TAF5: variants seen among roughly 807,000 people sequenced by gnomAD.
TAF5 encodes TATA-box binding protein associated factor 5, also known as transcription initiation factor TFIID subunit 5.
Under a neutral mutation model 80.9 loss-of-function variants are expected in TAF5, and 20 were observed. The ratio of observed to expected loss-of-function variants is 0.25; its 90% CI spans 0.17 to 0.36. TAF5 has a LOEUF of 0.36. Ranked by LOEUF, TAF5 falls within the 10% of genes least tolerant of loss-of-function variation. TAF5 has a pLI of 1.00. For missense variants in TAF5, 863 were observed against 1,029.4 expected, an observed-to-expected ratio of 0.84 and a Z score of 2.21; for synonymous variants, 388 against 406.4, an observed-to-expected ratio of 0.95 and a Z score of 0.55.
intron 1 of TAF5, among the ~76,000 whole-genome samples, chr10:103,371,238 G>A (rs1182787356): frequency 1.5e-5 from 2 of 129,114 alleles, no homozygotes; most frequent in Non-Finnish European, 1.7e-5. Context: ...GCAAAACTCC[G>A]TCTTTACAAA....
At chr10:103,381,240 C>T (rs368645263) in intron 5 of TAF5, among the ~76,000 whole-genome samples, 21 of 151,718 alleles carry the variant, frequency 1.4e-4, no homozygotes, top group African/African-American at 3.9e-4. Context: ...TGAACCCCCG[C>T]GCCCGGCCAA....
rs1308387846 is a variant in TAF5, at chr10:103,387,569, A to G, written c.2056A>G (p.Thr686Ala). The change falls in exon 10 of 11, where the codon ACA becomes GCA. Residue 686 changes from threonine (T) to alanine (A), a missense_variant. Transcript: ENST00000369839. ...TFSPNGRFLA[T>A]GATDGRVLLW... ...TTCTCCCAATGGGAGATTCCTGGCT[A>G]CAGGAGCAACAGATGGCAGAGTGCT... is the stretch of plus-strand genomic sequence containing the variant. The G allele has an allele frequency of 3.7e-6, 6 of 1,614,152 alleles. 1 individual carries two copies. In the South Asian group the frequency reaches 4.4e-5, roughly 12 times the overall value.
At chr10:103,385,274 G>T in intron 7 of TAF5, 52 bp from the exon 8 acceptor site, 1 of 1,511,320 alleles carries the variant, frequency 6.6e-7, no homozygotes, top group Middle Eastern at 1.7e-4. Context: ...AAACTGGGCA[G>T]GTGACCAAAG....
At chr10:103,385,174 G>A (rs2093392929) in intron 7 of TAF5, 152 bp from the exon 8 acceptor site, 3 of 593,036 alleles carry the variant, frequency 5.1e-6, no homozygotes, top group African/African-American at 3.7e-5. Context: ...TGTGAATTGC[G>A]TGTATGAATT....
chr10:103,384,490 G>A (rs1470297616), intron 7 of TAF5, among the ~76,000 whole-genome samples: 1 of 152,130 alleles, frequency 6.6e-6, no homozygotes, highest in African/African-American at 2.4e-5. Flanking sequence ...AATTAGCAGG[G>A]TGTGGTGGCG....
chr10:103,379,978 T>C lies in TAF5; in HGVS notation c.1372T>C (p.Leu458=), dbSNP rs764850897. ...TKRVRLGPDC[L]PSICFYTFLN... ...ACGAGTGCGCCTTGGGCCGGACTGC[T>C]TACCCTCCATTTGTTTCTATACATT... Residue 458 remains leucine, a synonymous_variant, in exon 5 of 11, where the codon TTA becomes CTA. Transcript: ENST00000369839. The C allele has an allele frequency of 2.5e-6, 4 of 1,613,956 alleles. No individual in the cohort carries two copies. The Admixed American group carries it at 5.0e-5, about 20-fold the overall frequency.
In TAF5 at chr10:103,368,248, G is replaced by A; in HGVS notation, c.259G>A (p.Asp87Asn). 6.6e-7 allele frequency: 1 copy of A among 1,503,922 alleles called. No homozygotes were observed. Among genetic ancestry groups the A allele is most frequent in the Non-Finnish European group, 8.8e-7 (1 of 1,131,520 alleles). The allele number at this position is 1,503,922 out of a possible 1,614,324, so 93.2% of individuals were successfully genotyped here. Residue 87 changes from aspartate to asparagine, a missense_variant, in exon 1 of 11, where the codon GAC (aspartate) becomes AAC (asparagine). Physicochemically the swap from Asp to Asn is conservative, Grantham distance 23. Transcript: ENST00000369839. ...GAAPVPAAAP[D>N]AGAPHDRQTL... ...GGCCCCGGTGCCCGCCGCTGCTCCG[G>A]ACGCCGGCGCTCCGCATGACCGACA...
intron 1 of TAF5, among the ~76,000 whole-genome samples, chr10:103,372,635 C>T (rs540077078): frequency 9.3e-5 from 14 of 150,534 alleles, no homozygotes; most frequent in Admixed American, 4.0e-4. Flanking sequence ...CACCCGGCGG[C>T]TCATACTCGT....
intron 8 of TAF5, among the ~76,000 whole-genome samples, chr10:103,385,808 C>G (rs2093394610): frequency 6.6e-6 from 1 of 150,616 alleles, no homozygotes; most frequent in African/African-American, 2.4e-5. Context: ...ACCTGTAATC[C>G]CAGCTATTCA....
At chr10:103,385,913 G>A (rs12767811) in intron 8 of TAF5, among the ~76,000 whole-genome samples, 402 of 105,030 alleles carry the variant, frequency 3.8e-3, no homozygotes, top group Non-Finnish European at 5.1e-3. Flanking sequence ...GGACAAGAGC[G>A]AGACTTCATC....
rs2093402043 is a variant in TAF5 at position 103,388,110 on chromosome 10, A to G, written c.2290A>G (p.Asn764Asp). The G allele has an allele frequency of 6.2e-7, 1 of 1,614,110 alleles. No individual in the cohort carries two copies. Among genetic ancestry groups the G allele is most frequent in the African/African-American group, 1.3e-5 (1 of 75,062 alleles). ...TATGHINLPE[N>D]SQELLLGTYM... ...CACTGGGCATATAAATTTACCTGAG[A>G]ATTCACAGGAGTTATTGTTGGGAAC... Residue 764 changes from asparagine (N) to aspartate (D), a missense_variant, in exon 11 of 11, where the codon AAT (asparagine) becomes GAT (aspartate). By Grantham distance (23) the Asn-to-Asp change is conservative (BLOSUM62 1). This residue lies in a region of TAF5 where 368 missense variants were observed against 461.7 expected (regional missense o/e 0.80). Transcript: ENST00000369839.
At chr10:103,385,514 C>G in intron 8 of TAF5, 24 bp downstream of exon 8, 1 of 1,611,356 alleles carries the variant, frequency 6.2e-7, no homozygotes, top group Non-Finnish European at 8.5e-7. Flanking sequence ...GATCTTATGA[C>G]TGGGTCTATT....
In TAF5 at chr10:103,379,787, C is replaced by A; in HGVS notation, c.1277+16C>A. 6.3e-7 allele frequency: 1 copy of A among 1,591,168 alleles called. No homozygotes were observed. The highest frequency in any genetic ancestry group is 8.5e-7 in the Non-Finnish European group (1 of 1,173,692). On this transcript the variant is annotated intron_variant, in intron 4 of 10. Transcript: ENST00000369839. ...CTCAGAACAGGTGAGGAAAAAACTT[C>A]AGGAACTTGTGTGTGGAGGTATAAG...
intron 6 of TAF5, among the ~76,000 whole-genome samples, chr10:103,382,795 G>A (rs1435721122): frequency 6.6e-6 from 1 of 151,698 alleles, no homozygotes; most frequent in East Asian, 1.9e-4. Context: ...CTACAGGTGT[G>A]TGCAACCACA....
In TAF5 at chr10:103,388,380, C is replaced by T. The variant is rs966788792; in HGVS notation, c.*157C>T. Reference sequence around the variant, plus strand: ...GAAAAATCTGAACAGGACAGTTCCACGTTTCTATAGCAACCACATTTGACT... The same window carrying T: ...GAAAAATCTGAACAGGACAGTTCCATGTTTCTATAGCAACCACATTTGACT... On this transcript the variant is annotated 3_prime_UTR_variant, in exon 11 of 11. Coordinates refer to ENST00000369839, the MANE Select transcript of TAF5 (RefSeq NM_006951.5). The T allele has an allele frequency of 9.6e-6, 6 of 626,114 alleles. No homozygotes were observed. Among genetic ancestry groups the T allele is most frequent in the East Asian group, 2.8e-5 (1 of 35,520 alleles). 38.8% of individuals were successfully genotyped at this position (626,114 alleles called of 1,614,324 possible). A position where few individuals can be genotyped will look rare whatever the true frequency, so the allele number is the denominator to read the frequency against.
chr10:103,371,536 A>T (rs2093359518), intron 1 of TAF5, among the ~76,000 whole-genome samples: 1 of 152,242 alleles, frequency 6.6e-6, no homozygotes, highest in Non-Finnish European at 1.5e-5. Context: ...GACTGATTTA[A>T]TTGACAGATG....
At position 103,383,386 on chromosome 10, in the gene TAF5, A is replaced by G; in HGVS notation, c.1664+19A>G. 1 of 1,572,830 alleles carries G rather than the reference A, an allele frequency of 6.4e-7. No homozygotes were observed. The highest frequency in any genetic ancestry group is 8.6e-7 in the Non-Finnish European group (1 of 1,167,584). On this transcript the variant is annotated intron_variant, in intron 7 of 10. Transcript: ENST00000369839. ...CGGATAGGTAAAATACAAACAATAAAAATTAAATACTGCTATGTTATATTG... is the reference window on the plus strand; with the variant it reads ...CGGATAGGTAAAATACAAACAATAAGAATTAAATACTGCTATGTTATATTG...
At chr10:103,372,708 C>T (rs1339447306) in intron 1 of TAF5, among the ~76,000 whole-genome samples, 47 of 149,982 alleles carry the variant, frequency 3.1e-4, no homozygotes, top group Non-Finnish European at 5.6e-4. Flanking sequence ...CTAGCCTGGT[C>T]AACATAGTGA....
chr10:103,372,084 G>A (rs764211828), intron 1 of TAF5, among the ~76,000 whole-genome samples: 7 of 148,784 alleles, frequency 4.7e-5, no homozygotes, highest in African/African-American at 1.2e-4. Flanking sequence ...TTACAGGCAC[G>A]TCTCATCACA....
Sources: allele counts gnomAD v4.1 joint callset (sites outside exome capture counted in the v4.1 genomes callset), GRCh38; gene constraint gnomAD v4.1.1; regional missense constraint gnomAD v4.1.1; transcripts MANE v1.5; gene names NCBI Gene and HGNC (gene_info 2026-07-23, HGNC 2026-07-21).